Variants in NXPE4 observed in about 807,000 individuals in gnomAD.
NXPE4 encodes neurexophilin and PC-esterase domain family member 4.
NXPE4 carries 42 observed loss-of-function variants against 33.3 expected under a neutral mutation model. That is an observed-to-expected ratio of 1.26 (90% CI 0.98 to 1.63). The LOEUF is 1.63. NXPE4 is among the 40% of genes most tolerant of loss of function. NXPE4 has a pLI of 0.00. For synonymous variants in NXPE4, 253 were observed against 234.9 expected (o/e 1.08, Z -0.71); for missense variants, 709 against 647.6 (o/e 1.09, Z -1.03).
chr11:114,658,066 C>A, the NXPE4 span, among the ~76,000 whole-genome samples: 1 of 152,138 alleles, frequency 6.6e-6, no homozygotes, highest in Admixed American at 6.6e-5. Context: ...TTAAAATAAA[C>A]CCTGGAGGAC....
At chr11:114,604,230 G>A in the NXPE4 span, among the ~76,000 whole-genome samples, 5 of 152,086 alleles carry the variant, frequency 3.3e-5, no homozygotes, top group African/African-American at 1.2e-4. Flanking sequence ...ACTGTTACCC[G>A]GTTTATAATA....
At chr11:114,615,261 T>G in the NXPE4 span, among the ~76,000 whole-genome samples, 1 of 151,952 alleles carries the variant, frequency 6.6e-6, no homozygotes, top group Non-Finnish European at 1.5e-5. Flanking sequence ...GGATTATAAG[T>G]ATTTCCTTGT....
the NXPE4 span, among the ~76,000 whole-genome samples, chr11:114,666,470 C>T: frequency 6.6e-6 from 1 of 152,014 alleles, no homozygotes; most frequent in African/African-American, 2.4e-5. Flanking sequence ...ATCCTCACAT[C>T]AGTATTGATT....
the NXPE4 span, among the ~76,000 whole-genome samples, chr11:114,629,393 C>A: frequency 6.6e-6 from 1 of 151,878 alleles, no homozygotes; most frequent in Non-Finnish European, 1.5e-5. Flanking sequence ...TGTAATCCAG[C>A]ATATAAACAG....
chr11:114,575,027 G>T (rs1189010544), intron 5 of NXPE4, among the ~76,000 whole-genome samples: 2 of 152,048 alleles, frequency 1.3e-5, no homozygotes, highest in Non-Finnish European at 1.5e-5. Flanking sequence ...GGGACGCAGG[G>T]ATGGCTTAAC....
At chr11:114,665,787 T>C in the NXPE4 span, among the ~76,000 whole-genome samples, 3 of 152,148 alleles carry the variant, frequency 2.0e-5, no homozygotes, top group African/African-American at 7.2e-5. Flanking sequence ...GGTTTAAAGT[T>C]TCTCCTTGGA....
the NXPE4 span, among the ~76,000 whole-genome samples, chr11:114,651,215 T>C: frequency 6.6e-6 from 1 of 152,002 alleles, no homozygotes; most frequent in Non-Finnish European, 1.5e-5. Context: ...TTCTTAAAGA[T>C]GGTGTGTCTG....
At chr11:114,632,122 A>G in the NXPE4 span, among the ~76,000 whole-genome samples, 5 of 144,408 alleles carry the variant, frequency 3.5e-5, no homozygotes, top group African/African-American at 7.5e-5. Context: ...ATTATATATT[A>G]TAATAAAATA....
Position 114,580,163 on chromosome 11 carries a change from C to A in NXPE4, c.1068G>T (p.Gln356His). ...IYLMGDSTIR[Q>H]WMEYFKASIN... Reference sequence around the variant, plus strand: ...TACTGGCTTTGAAGTATTCCATCCACTGGCGGATCGTGGAATCTCCCATTA... The same window carrying A: ...TACTGGCTTTGAAGTATTCCATCCAATGGCGGATCGTGGAATCTCCCATTA... The change falls in exon 5 of 6, where the codon CAG becomes CAT. Residue 356 changes from glutamine (Q) to histidine (H), a missense_variant. Gln to His is a conservative substitution (Grantham distance 24). Transcript: ENST00000375478. 2 of 1,614,094 alleles carry A rather than the reference C, an allele frequency of 1.2e-6. No homozygotes were observed. The highest frequency in any genetic ancestry group is 2.2e-5 in the South Asian group (2 of 91,076).
chr11:114,580,399 T>G, intron 4 of NXPE4, 61 bp from the exon 5 acceptor site: 1 of 1,447,464 alleles, frequency 6.9e-7, no homozygotes, highest in Non-Finnish European at 9.7e-7. Context: ...CAGTATGTAT[T>G]AAGAGCCTTC....
chr11:114,650,442 C>T, the NXPE4 span, among the ~76,000 whole-genome samples: 1 of 152,166 alleles, frequency 6.6e-6, no homozygotes, highest in Non-Finnish European at 1.5e-5. Context: ...TGAGAGGGTA[C>T]TCCTATTTGG....
chr11:114,595,182 G>A (rs1302131000), intron 1 of NXPE4, among the ~76,000 whole-genome samples: 1 of 152,102 alleles, frequency 6.6e-6, no homozygotes, highest in Non-Finnish European at 1.5e-5. Context: ...TACAGTGCCT[G>A]TTGAATGCAA....
At chr11:114,615,373 C>T in the NXPE4 span, among the ~76,000 whole-genome samples, 27,261 of 151,712 alleles carry the variant, frequency 0.18, 2,828 homozygotes, top group Non-Finnish European at 0.22. Context: ...CACTGTTACC[C>T]GGTGGATAAT....
At chr11:114,579,192 G>A (rs998797708) in intron 5 of NXPE4, among the ~76,000 whole-genome samples, 1 of 152,168 alleles carries the variant, frequency 6.6e-6, no homozygotes, top group Non-Finnish European at 1.5e-5. Context: ...GAGCAAGAGA[G>A]ATGCCAGGCT....
upstream of NXPE4, among the ~76,000 whole-genome samples, chr11:114,598,670 T>A (rs986203696): frequency 1.1e-4 from 16 of 151,768 alleles, no homozygotes; most frequent in Admixed American, 8.5e-4. Flanking sequence ...TGGGCCTCTT[T>A]GAGCCATGGC....
the NXPE4 span, among the ~76,000 whole-genome samples, chr11:114,645,024 G>A: frequency 1.3e-4 from 20 of 151,598 alleles, no homozygotes; most frequent in South Asian, 4.2e-4. Context: ...AAAACAGGCC[G>A]GGCATAGTGT....
the NXPE4 span, among the ~76,000 whole-genome samples, chr11:114,608,952 C>A: frequency 2.7e-5 from 4 of 149,658 alleles, no homozygotes; most frequent in African/African-American, 9.9e-5. Flanking sequence ...CCACTGTTAC[C>A]CTGTGGAAAA....
At chr11:114,663,927 A>G in the NXPE4 span, among the ~76,000 whole-genome samples, 1 of 152,178 alleles carries the variant, frequency 6.6e-6, no homozygotes, top group Non-Finnish European at 1.5e-5. Flanking sequence ...TAGAAGGTCA[A>G]CTTTGGCACA....
At chr11:114,628,139 A>G in the NXPE4 span, among the ~76,000 whole-genome samples, 62,684 of 129,080 alleles carry the variant, frequency 0.49, 16,398 homozygotes, top group African/African-American at 0.64. Context: ...ACGATACCCA[A>G]GAATTGAACT....
Sources: gnomAD v4.1 joint callset for allele counts (sites outside exome capture counted in the v4.1 genomes callset) on GRCh38, gnomAD v4.1.1 for gene constraint, MANE v1.5 for transcripts, NCBI Gene and HGNC (gene_info 2026-07-23, HGNC 2026-07-21) for gene names.